The following SOX5 variants were observed in gnomAD, a reference collection of about 807,000 sequenced individuals.
SOX5 encodes the protein SRY-box transcription factor 5.
Under a neutral mutation model 92.0 loss-of-function variants are expected in SOX5, and 9 were observed. The observed-to-expected ratio is 0.10, with a 90% confidence interval of 0.06 to 0.17. The LOEUF (loss-of-function observed/expected upper bound fraction) is 0.17. Among genes scored for constraint, SOX5 ranks in the 10% least tolerant of loss-of-function variants. SOX5 has a pLI of 1.00. For synonymous variants in SOX5, 344 were observed against 336.3 expected, an observed-to-expected ratio of 1.02 and a Z score of -0.25; for missense variants, 642 against 944.5, an observed-to-expected ratio of 0.68 and a Z score of 4.20.
intron 2 of SOX5, among the ~76,000 whole-genome samples, chr12:24,334,884 C>T (rs1035400807): frequency 4.1e-5 from 6 of 148,000 alleles, no homozygotes; most frequent in African/African-American, 1.5e-4. Context: ...ATATTTTACA[C>T]CATATTTACA....
intron 1 of SOX5, among the ~76,000 whole-genome samples, chr12:24,388,163 A>G (rs2136449545): frequency 6.6e-6 from 1 of 152,294 alleles, no homozygotes; most frequent in East Asian, 1.9e-4. Flanking sequence ...CTTTCCAGAA[A>G]TCAAAATTCA....
chr12:24,540,150 G>C (rs2138786697), intron 1 of SOX5, among the ~76,000 whole-genome samples: 1 of 152,186 alleles, frequency 6.6e-6, no homozygotes, highest in South Asian at 2.1e-4. Context: ...CTCACGTAAG[G>C]ACCTTATCTG....
At chr12:23,693,520 C>T (rs755922116) in intron 6 of SOX5, among the ~76,000 whole-genome samples, 49 of 152,106 alleles carry the variant, frequency 3.2e-4, no homozygotes, top group Non-Finnish European at 5.4e-4. Flanking sequence ...TACCCACTTA[C>T]TTTGTGTTAT....
intron 13 of SOX5, among the ~76,000 whole-genome samples, chr12:23,540,949 G>T (rs1941906399): frequency 6.6e-6 from 1 of 152,126 alleles, no homozygotes; most frequent in South Asian, 2.1e-4. Flanking sequence ...GAATGATCTT[G>T]TGGATATTTG....
intron 2 of SOX5, among the ~76,000 whole-genome samples, chr12:23,888,226 T>A (rs769239694): frequency 5.9e-5 from 9 of 152,158 alleles, no homozygotes; most frequent in Non-Finnish European, 1.3e-4. Flanking sequence ...TCTGCAGCAC[T>A]CCCTATTAAA....
chr12:23,793,645 A>G (rs987928388), intron 3 of SOX5, among the ~76,000 whole-genome samples: 6 of 152,236 alleles, frequency 3.9e-5, no homozygotes, highest in Non-Finnish European at 7.3e-5. Context: ...TAAGCAAAAT[A>G]GTGGGGAAGC....
At chr12:23,906,793 T>G (rs2097297880) in intron 1 of SOX5, among the ~76,000 whole-genome samples, 1 of 152,188 alleles carries the variant, frequency 6.6e-6, no homozygotes, top group Non-Finnish European at 1.5e-5. Flanking sequence ...TTCAGAGGAT[T>G]GATTAACAAA....
intron 2 of SOX5, among the ~76,000 whole-genome samples, chr12:24,288,463 A>G (rs74621300): frequency 0.019 from 2,859 of 152,266 alleles, 60 homozygotes; most frequent in African/African-American, 0.047. Flanking sequence ...AATTCCACAA[A>G]ATGCCCTATG....
At chr12:23,654,408 T>C (rs552451891) in intron 7 of SOX5, among the ~76,000 whole-genome samples, 1 of 152,236 alleles carries the variant, frequency 6.6e-6, no homozygotes, top group South Asian at 2.1e-4. Context: ...GAATCTTTTA[T>C]TATGATTTCA....
At chr12:24,098,931 C>T (rs892354969) in intron 4 of SOX5, among the ~76,000 whole-genome samples, 4 of 152,154 alleles carry the variant, frequency 2.6e-5, no homozygotes, top group South Asian at 2.1e-4. Flanking sequence ...TGGGTTTCAA[C>T]GTAGTGTATG....
chr12:24,483,845 A>G lies in SOX5; in HGVS notation c.-251+78484T>C, dbSNP rs758403735. Among the ~76,000 whole-genome samples the G allele has an allele frequency of 2.6e-4, 39 of 152,230 alleles. 1 individual carries two copies. Among genetic ancestry groups the G allele is most frequent in the Admixed American group, 6.5e-5 (1 of 15,282 alleles). On this transcript the variant is annotated intron_variant, in intron 1 of 4. Coordinates refer to the SOX5 transcript ENST00000446891. ...CACACTTTCTGCATTCTCTTTAGTA[A>G]TTCTCTCTCAAAACAACACGTGAAG...
intron 1 of SOX5, 99 bp downstream of exon 1, chr12:23,949,461 TCTAA>T: frequency 7.1e-7 from 1 of 1,411,842 alleles, no homozygotes; most frequent in Non-Finnish European, 1.0e-6. Flanking sequence ...TAAAGGCTTC[TCTAA>T]CAAACACGTT....
intron 4 of SOX5, among the ~76,000 whole-genome samples, chr12:24,034,203 G>A (rs1955787510): frequency 6.6e-6 from 1 of 152,024 alleles, no homozygotes; most frequent in African/African-American, 2.4e-5. Flanking sequence ...AGCTTCCAGA[G>A]AATGAGTGAA....
At chr12:23,838,621 C>T (rs187865134) in intron 3 of SOX5, among the ~76,000 whole-genome samples, 56 of 152,080 alleles carry the variant, frequency 3.7e-4, no homozygotes, top group Admixed American at 3.5e-3. Flanking sequence ...TACCAAGTCA[C>T]TCCTCAGCTC....
chr12:24,059,752 A>G lies in SOX5; in HGVS notation c.-2+153591T>C, dbSNP rs116121541. ...GCCAGTTCCTGGTGGATAGTCATTT[A>G]AAGTGCAACCCACAATCAAGAGTAT... On this transcript the variant is annotated intron_variant, in intron 4 of 4. Coordinates refer to the SOX5 transcript ENST00000446891. Among the ~76,000 whole-genome samples the G allele has an allele frequency of 5.1e-3, 782 of 152,304 alleles. 5 individuals are homozygous for G. The highest frequency in any genetic ancestry group is 0.02 in the Middle Eastern group (6 of 294).
chr12:23,844,621 G>GT lies in SOX5; in HGVS notation c.481+1361dup, dbSNP rs201129645. Among the ~76,000 whole-genome samples, 843 of 152,132 alleles carry GT rather than the reference G, an allele frequency of 5.5e-3. 3 individuals are homozygous for GT. Among genetic ancestry groups the GT allele is most frequent in the Non-Finnish European group, 8.6e-3 (585 of 67,984 alleles). On this transcript the variant is annotated intron_variant, in intron 3 of 14. Transcript: ENST00000451604. Reference sequence around the variant, plus strand: ...ACACCTTTCAAAGAGGAAGAAAAAAGTTTTTTAAGTTTAGCATATTTCACA... The same window carrying GT: ...ACACCTTTCAAAGAGGAAGAAAAAAGTTTTTTTAAGTTTAGCATATTTCACA...
chr12:23,895,157 G>A (rs1470166099), intron 2 of SOX5, among the ~76,000 whole-genome samples: 1 of 144,148 alleles, frequency 6.9e-6, no homozygotes, highest in Non-Finnish European at 1.5e-5. Context: ...CCAGACCCTA[G>A]GATAAGGGGT....
chr12:24,121,556 C>T (rs1364402452), intron 4 of SOX5, among the ~76,000 whole-genome samples: 1 of 139,476 alleles, frequency 7.2e-6, no homozygotes, highest in African/African-American at 2.6e-5. Context: ...CAGCAGTTTA[C>T]AAATGGCTAA....
intron 9 of SOX5, among the ~76,000 whole-genome samples, chr12:23,590,905 A>G (rs1005134439): frequency 5.3e-5 from 8 of 152,084 alleles, no homozygotes; most frequent in African/African-American, 1.4e-4. Flanking sequence ...CTCTTTCCCA[A>G]GGAAAACATT....
Sources: gnomAD v4.1 joint callset for allele counts (sites outside exome capture counted in the v4.1 genomes callset) on GRCh38, gnomAD v4.1.1 for gene constraint, MANE v1.5 for transcripts, NCBI Gene and HGNC (gene_info 2026-07-23, HGNC 2026-07-21) for gene names.